KIAA0319L: variants seen among roughly 807,000 people sequenced by gnomAD.
KIAA0319L encodes the protein dyslexia-associated protein KIAA0319-like protein.
In KIAA0319L, 55 loss-of-function variants were observed where a neutral mutation model predicts 120.1. The ratio of observed to expected loss-of-function variants is 0.46; its 90% CI spans 0.37 to 0.57. The LOEUF (loss-of-function observed/expected upper bound fraction) is 0.57. KIAA0319L is among the 20% of genes least tolerant of loss of function. KIAA0319L has a pLI of 0.00. For missense variants in KIAA0319L, 1,049 were observed against 1,255.3 expected (o/e 0.84, Z 2.48); for synonymous variants, 398 against 471.9 (o/e 0.84, Z 2.03).
rs146952899 is a variant in KIAA0319L at position 35,445,056 on chromosome 1, C to T, written c.2514-753G>A. ...TAGAACCTTCTAAATCAGTGAGTCACACTGGTTTACAGGTGTGACCAAGAT... is the reference window on the plus strand; with the variant it reads ...TAGAACCTTCTAAATCAGTGAGTCATACTGGTTTACAGGTGTGACCAAGAT... On this transcript the variant is annotated intron_variant, in intron 16 of 20. Coordinates refer to ENST00000325722, the MANE Select transcript of KIAA0319L (RefSeq NM_024874.5). 6.9e-3 allele frequency among the ~76,000 whole-genome samples: 1,052 copies of T among 152,236 alleles called. 5 individuals carry two copies. Among genetic ancestry groups the T allele is most frequent in the Non-Finnish European group, 0.011 (750 of 68,022 alleles).
rs11620447 is a variant in KIAA0319L, at chr1:35,517,491, G to A, written c.143-10356C>T. On this transcript the variant is annotated intron_variant, in intron 2 of 20. Coordinates refer to ENST00000325722, the MANE Select transcript of KIAA0319L (RefSeq NM_024874.5). ...GACACCTTACTCAATAAATGGTGCT[G>A]GGATAACTGGCTAGCCATATGCAGA... Among the ~76,000 whole-genome samples the A allele has an allele frequency of 1.1e-4, 17 of 152,282 alleles. No homozygotes were observed. The East Asian group carries it at 3.3e-3, about 29-fold the overall frequency.
intron 20 of KIAA0319L, chr1:35,439,651 T>C (rs916196273): frequency 1.3e-5 from 2 of 152,176 alleles, no homozygotes; most frequent in African/African-American, 4.8e-5. Flanking sequence ...TTTCTAGGGC[T>C]GGGTATGGTG....
intron 3 of KIAA0319L, among the ~76,000 whole-genome samples, chr1:35,500,684 G>A (rs1468079044): frequency 1.3e-5 from 2 of 152,194 alleles, no homozygotes; most frequent in African/African-American, 4.8e-5. Flanking sequence ...AGAAACTGGT[G>A]CTGCTCGCCA....
chr1:35,545,577 A>G (rs1380111240), intron 2 of KIAA0319L, among the ~76,000 whole-genome samples: 6 of 152,208 alleles, frequency 3.9e-5, no homozygotes, highest in African/African-American at 1.4e-4. Context: ...CAGAAATGTG[A>G]GATGAACTGT....
At chr1:35,457,675 A>G (rs1163421765) in intron 9 of KIAA0319L, among the ~76,000 whole-genome samples, 2 of 152,142 alleles carry the variant, frequency 1.3e-5, no homozygotes, top group African/African-American at 4.8e-5. Flanking sequence ...AAAGAGGAAA[A>G]GCATAGAAAA....
At chr1:35,463,578 G>A (rs1359426396) in intron 7 of KIAA0319L, among the ~76,000 whole-genome samples, 1 of 152,120 alleles carries the variant, frequency 6.6e-6, no homozygotes, top group Non-Finnish European at 1.5e-5. Flanking sequence ...ACAAATCCAT[G>A]GCATTTTCTT....
Position 35,539,126 on chromosome 1 carries a change from C to T in KIAA0319L, c.142+15224G>A, listed in dbSNP as rs147585659. 9.7e-4 allele frequency among the ~76,000 whole-genome samples: 148 copies of T among 152,254 alleles called. 4 individuals are homozygous for T. The East Asian group carries it at 0.028, about 28-fold the overall frequency. ...ACACAGCAAAGCCCTGGAAACATAT[C>T]GTACACATACGGCCTTTACTCTCCA... is the stretch of plus-strand genomic sequence containing the variant. On this transcript the variant is annotated intron_variant, in intron 2 of 20. Coordinates refer to ENST00000325722, the MANE Select transcript of KIAA0319L (RefSeq NM_024874.5).
At chr1:35,470,233 C>G (rs1032757570) in intron 6 of KIAA0319L, among the ~76,000 whole-genome samples, 1 of 151,996 alleles carries the variant, frequency 6.6e-6, no homozygotes, top group African/African-American at 2.4e-5. Flanking sequence ...TGGCTCACAC[C>G]TGTAATCCCA....
intron 3 of KIAA0319L, among the ~76,000 whole-genome samples, chr1:35,491,190 C>CAA (rs1227052669): frequency 6.6e-6 from 1 of 151,930 alleles, no homozygotes; most frequent in Non-Finnish European, 1.5e-5. Context: ...AAATGAAACA[C>CAA]AGAGACGAAA....
At chr1:35,442,155 G>T in intron 19 of KIAA0319L, 91 bp downstream of exon 19, 1 of 944,622 alleles carries the variant, frequency 1.1e-6, no homozygotes, top group African/African-American at 1.6e-5. Flanking sequence ...ACCCAGCCCA[G>T]TCCTTCCACG....
rs147566511 is a variant in KIAA0319L, at chr1:35,455,009, G to A, written c.1657-524C>T. Among the ~76,000 whole-genome samples the A allele has an allele frequency of 8.5e-3, 1,296 of 152,232 alleles. 22 individuals are homozygous for A. Among genetic ancestry groups the A allele is most frequent in the African/African-American group, 0.03 (1,238 of 41,528 alleles). On this transcript the variant is annotated intron_variant, in intron 10 of 20. Coordinates refer to ENST00000325722, the MANE Select transcript of KIAA0319L (RefSeq NM_024874.5). ...TAACATAACATTTAAACAAAAGTCA[G>A]GTAAAATGGAGGCTTTAAGGGAGGC...
intron 17 of KIAA0319L, chr1:35,443,293 C>T (rs1427486502): frequency 4.8e-6 from 2 of 420,944 alleles, no homozygotes; most frequent in African/African-American, 4.0e-5. Context: ...TTATGTCCCA[C>T]ACATCCCCTT....
At chr1:35,471,406 A>G (rs1258171861) in intron 5 of KIAA0319L, among the ~76,000 whole-genome samples, 1 of 152,232 alleles carries the variant, frequency 6.6e-6, no homozygotes, top group African/African-American at 2.4e-5. Context: ...GAGTGCTAAC[A>G]ATGCTCGTCT....
chr1:35,553,389 T>C (rs1159173075), intron 2 of KIAA0319L, among the ~76,000 whole-genome samples: 1 of 150,070 alleles, frequency 6.7e-6, no homozygotes, highest in Non-Finnish European at 1.5e-5. Context: ...CAGCTTTCTG[T>C]CAAGTACAAC....
intron 3 of KIAA0319L, among the ~76,000 whole-genome samples, chr1:35,491,503 A>G (rs907433974): frequency 6.6e-6 from 1 of 152,200 alleles, no homozygotes; most frequent in Admixed American, 6.5e-5. Flanking sequence ...ACTAGAGCAG[A>G]TATCTCAACT....
Position 35,454,374 on chromosome 1 carries a change from T to G in KIAA0319L, c.1768A>C (p.Ile590Leu). Reference protein sequence around the residue: ...GQQATAQVTVIVQPENNKPPQ... With the variant: ...GQQATAQVTVLVQPENNKPPQ... ...GGCTGGAGCTTACCAGGTTGCACAATAACAGTCACTTGAGCAGTGGCCTGC... is the reference window on the plus strand; with the variant it reads ...GGCTGGAGCTTACCAGGTTGCACAAGAACAGTCACTTGAGCAGTGGCCTGC... The change falls in exon 11 of 21, where the codon ATT (isoleucine) becomes CTT (leucine). Residue 590 changes from isoleucine (I) to leucine (L), a missense_variant. By Grantham distance (5) the Ile-to-Leu change is conservative (BLOSUM62 2). Coordinates refer to ENST00000325722, the MANE Select transcript of KIAA0319L (RefSeq NM_024874.5). 1 of 1,613,986 alleles carries G rather than the reference T, an allele frequency of 6.2e-7. No homozygotes were observed. The highest frequency in any genetic ancestry group is 1.7e-5 in the Admixed American group (1 of 60,024).
intron 2 of KIAA0319L, among the ~76,000 whole-genome samples, chr1:35,532,267 A>ACT (rs1035749033): frequency 6.6e-5 from 10 of 151,884 alleles, no homozygotes; most frequent in African/African-American, 2.4e-4. Flanking sequence ...AGGAAGAGGT[A>ACT]CTCTGATCTC....
Position 35,437,887 on chromosome 1 carries a change from T to A in KIAA0319L, c.2963-2806A>T, listed in dbSNP as rs947583774. Among the ~76,000 whole-genome samples, 1 of 152,204 alleles carries A rather than the reference T, an allele frequency of 6.6e-6. No homozygotes were observed. The highest frequency in any genetic ancestry group is 1.5e-5 in the Non-Finnish European group (1 of 68,040). On this transcript the variant is annotated intron_variant, in intron 20 of 20. Transcript: ENST00000325722. This position sits in a 1 kb window ranked among gnomAD's most constrained non-coding sequence, Gnocchi z 4.1. ...CATCTTCTCTTACCCAGTCACTGCATCAGAGGTTCTGATTCTGTCAACAGC... is the reference window on the plus strand; with the variant it reads ...CATCTTCTCTTACCCAGTCACTGCAACAGAGGTTCTGATTCTGTCAACAGC...
intron 3 of KIAA0319L, among the ~76,000 whole-genome samples, chr1:35,487,571 AC>A (rs1349772284): frequency 1.3e-5 from 2 of 152,176 alleles, no homozygotes; most frequent in Non-Finnish European, 2.9e-5. Context: ...TGCCTGTGTA[AC>A]TGATAATTGA....
Sources: allele counts gnomAD v4.1 joint callset (sites outside exome capture counted in the v4.1 genomes callset), GRCh38; gene constraint gnomAD v4.1.1; non-coding constraint Gnocchi (gnomAD v3.1); transcripts MANE v1.5; gene names NCBI Gene and HGNC (gene_info 2026-07-23, HGNC 2026-07-21).